ZFHX3: variants seen among roughly 807,000 people sequenced by gnomAD.
ZFHX3 encodes the protein zinc finger homeobox protein 3.
In ZFHX3, 42 loss-of-function variants were observed where a neutral mutation model predicts 279.1. That is an observed-to-expected ratio of 0.15 (90% CI 0.12 to 0.19). The LOEUF (loss-of-function observed/expected upper bound fraction) is 0.19. Among genes scored for constraint, ZFHX3 ranks in the 10% least tolerant of loss-of-function variants. The probability of loss-of-function intolerance (pLI) is 1.00; values close to 1 mark genes in which losing one functional copy is unlikely to be tolerated. For synonymous variants in ZFHX3, 2,293 were observed against 1,957.8 expected (o/e 1.17, Z -4.52); for missense variants, 4,981 against 4,754.0 (o/e 1.05, Z -1.40).
At chr16:72,851,726 T>C (rs1373408998) in intron 4 of ZFHX3, among the ~76,000 whole-genome samples, 1 of 152,126 alleles carries the variant, frequency 6.6e-6, no homozygotes, top group Non-Finnish European at 1.5e-5. Flanking sequence ...AATTTTTGTA[T>C]TTTTAATAGA....
At chr16:73,593,454 GTTTA>G (rs1215102950) in intron 2 of ZFHX3, among the ~76,000 whole-genome samples, 1 of 151,994 alleles carries the variant, frequency 6.6e-6, no homozygotes, top group Non-Finnish European at 1.5e-5. Flanking sequence ...GAAATGAAGA[GTTTA>G]TTTATCATTA....
At chr16:73,229,578 T>C (rs997149869) in intron 5 of ZFHX3, among the ~76,000 whole-genome samples, 6 of 152,196 alleles carry the variant, frequency 3.9e-5, no homozygotes, top group Admixed American at 2.0e-4. Flanking sequence ...CTCTCAGTGG[T>C]AGATAGACAG....
intron 1 of ZFHX3, among the ~76,000 whole-genome samples, chr16:73,819,102 T>C (rs1281991049): frequency 6.6e-6 from 1 of 152,114 alleles, no homozygotes; most frequent in African/African-American, 2.4e-5. Flanking sequence ...ACCGTGGAGC[T>C]AGTAATTGCT....
In ZFHX3 at chr16:72,950,589, C is replaced by T; in HGVS notation, c.3096G>A (p.Val1032=). 6.2e-7 allele frequency: 1 copy of T among 1,614,238 alleles called. No individual in the cohort carries two copies. The highest frequency in any genetic ancestry group is 1.1e-5 in the South Asian group (1 of 91,088). The stretch of plus-strand genomic sequence containing the variant: ...TGAGGTGCACGGGGTTGCCGATGGC[C>T]ACACACTTGAGCCTCCACTCGTTGG... ...GKANEWRLKC[V]AIGNPVHLKC... is the part of the protein sequence containing the mutation. The change falls in exon 3 of 10, where the codon GTG becomes GTA. Residue 1032 remains valine (V), a synonymous_variant. Transcript: ENST00000268489.
intron 3 of ZFHX3, among the ~76,000 whole-genome samples, chr16:73,398,966 G>T (rs1003147927): frequency 6.6e-6 from 1 of 151,840 alleles, no homozygotes; most frequent in Admixed American, 6.6e-5. Context: ...CTGGGTTCAA[G>T]CAATTCTCCT....
intron 3 of ZFHX3, among the ~76,000 whole-genome samples, chr16:73,432,323 C>T (rs576732643): frequency 7.0e-4 from 106 of 152,238 alleles, no homozygotes; most frequent in African/African-American, 2.6e-3. Flanking sequence ...TAGGCAGCCC[C>T]TATTAGGTGG....
At chr16:73,743,076 TGA>T (rs1454940534) in intron 1 of ZFHX3, among the ~76,000 whole-genome samples, 1 of 152,218 alleles carries the variant, frequency 6.6e-6, no homozygotes, top group Non-Finnish European at 1.5e-5. Flanking sequence ...ACACATAAAG[TGA>T]GAGTGTGTAA....
intron 5 of ZFHX3, among the ~76,000 whole-genome samples, chr16:73,144,092 G>A (rs1378187157): frequency 6.6e-6 from 1 of 152,146 alleles, no homozygotes; most frequent in African/African-American, 2.4e-5. Flanking sequence ...TTTTAAAAAT[G>A]AAACTCAGGG....
intron 5 of ZFHX3, among the ~76,000 whole-genome samples, chr16:73,221,928 A>T (rs755201368): frequency 2.8e-4 from 43 of 152,170 alleles, no homozygotes; most frequent in Non-Finnish European, 6.0e-4. Flanking sequence ...TATTGTACAG[A>T]CATACCATAT....
intron 7 of ZFHX3, chr16:73,098,992 C>G (rs1374802606): frequency 6.6e-6 from 1 of 152,192 alleles, no homozygotes; most frequent in Admixed American, 6.5e-5. Context: ...CCCTTTCAAT[C>G]ATGTCAGCCG....
chr16:73,240,159 C>T (rs908945528), intron 5 of ZFHX3, among the ~76,000 whole-genome samples: 1 of 151,990 alleles, frequency 6.6e-6, no homozygotes, highest in African/African-American at 2.4e-5. Flanking sequence ...TAAGGGACAC[C>T]ACAGCCTTCT....
chr16:72,795,465 A>G lies in ZFHX3; in HGVS notation c.7217T>C (p.Phe2406Ser). 1 of 1,614,176 alleles carries G rather than the reference A, an allele frequency of 6.2e-7. No individual in the cohort carries two copies. The part of the protein sequence containing the change: ...PSANNTASSA[F>S]LQLTAEAEEL... ...CTCAGCCTCCGCTGTAAGCTGCAAGAAAGCGGAGGAAGCTGTATTATTGGC... is the reference window on the plus strand; with the variant it reads ...CTCAGCCTCCGCTGTAAGCTGCAAGGAAGCGGAGGAAGCTGTATTATTGGC... The change falls in exon 9 of 10, where the codon TTC becomes TCC. Residue 2406 changes from phenylalanine to serine, a missense_variant. Around this residue, in one of 7 missense-constraint regions of ZFHX3, gnomAD observed 744 missense variants for 701.3 expected, o/e 1.06. Transcript: ENST00000268489.
intron 2 of ZFHX3, among the ~76,000 whole-genome samples, chr16:73,580,511 A>AC (rs199777986): frequency 0.041 from 6,067 of 149,698 alleles, 141 homozygotes; most frequent in Middle Eastern, 0.12. Context: ...AAACAAACAA[A>AC]AAAAAAAAAA....
chr16:72,930,602 A>G (rs1959734567), intron 3 of ZFHX3, among the ~76,000 whole-genome samples: 1 of 152,214 alleles, frequency 6.6e-6, no homozygotes, highest in African/African-American at 2.4e-5. Flanking sequence ...AGCAGACAAT[A>G]GCAATTGAAA....
chr16:73,117,494 A>C lies in ZFHX3; in HGVS notation c.-897+13474T>G, dbSNP rs900441780. ...AGGTTGAAAACACATGATCAAACAAAACCTCTGACTATGGTTACGACCCAA... is the reference window on the plus strand; with the variant it reads ...AGGTTGAAAACACATGATCAAACAACACCTCTGACTATGGTTACGACCCAA... On this transcript the variant is annotated intron_variant, in intron 7 of 17. Coordinates refer to the ZFHX3 transcript ENST00000641206. Among the ~76,000 whole-genome samples, 13 of 152,350 alleles carry C rather than the reference A, an allele frequency of 8.5e-5. 1 individual carries two copies. The highest frequency in any genetic ancestry group is 2.6e-4 in the Admixed American group (4 of 15,306).
intron 2 of ZFHX3, among the ~76,000 whole-genome samples, chr16:73,466,125 C>T (rs747779600): frequency 2.6e-5 from 4 of 152,034 alleles, no homozygotes; most frequent in African/African-American, 4.8e-5. Context: ...TTAATTATAG[C>T]TCTACAAAGC....
chr16:72,944,852 G>C (rs927932122), intron 3 of ZFHX3, among the ~76,000 whole-genome samples: 16 of 151,640 alleles, frequency 1.1e-4, no homozygotes, highest in Non-Finnish European at 2.4e-4. Flanking sequence ...AAAAGAGAGA[G>C]AGAAAAAAAA....
chr16:73,551,751 G>A (rs905376258), intron 2 of ZFHX3, among the ~76,000 whole-genome samples: 3 of 152,164 alleles, frequency 2.0e-5, no homozygotes, highest in African/African-American at 4.8e-5. Flanking sequence ...TGTACCCACA[G>A]CCCACTTGAT....
intron 2 of ZFHX3, among the ~76,000 whole-genome samples, chr16:72,955,403 T>G (rs1961204664): frequency 6.6e-6 from 1 of 152,182 alleles, no homozygotes; most frequent in Non-Finnish European, 1.5e-5. Flanking sequence ...CCCCAAAGAC[T>G]CACAGACACT....
Sources: allele counts gnomAD v4.1 joint callset (sites outside exome capture counted in the v4.1 genomes callset), GRCh38; gene constraint gnomAD v4.1.1; regional missense constraint gnomAD v4.1.1; transcripts MANE v1.5; gene names NCBI Gene and HGNC (gene_info 2026-07-23, HGNC 2026-07-21).